Variants in LEMD1 observed in about 807,000 individuals in gnomAD.
LEMD1 encodes the protein LEM domain-containing protein 1.
Under a neutral mutation model 17.4 loss-of-function variants are expected in LEMD1, and 18 were observed. That is an observed-to-expected ratio of 1.04 (90% confidence interval 0.72 to 1.54). LEMD1 has a LOEUF of 1.54. Ranked by LOEUF, LEMD1 falls within the 40% of genes most tolerant of loss-of-function variation. The pLI is 0.00. For synonymous variants in LEMD1, 88 were observed against 77.8 expected, an observed-to-expected ratio of 1.13 and a Z score of -0.69; for missense variants, 195 against 210.4, an observed-to-expected ratio of 0.93 and a Z score of 0.45.
At chr1:205,442,764 T>G (rs1051088637) in intron 1 of LEMD1, among the ~76,000 whole-genome samples, 1 of 152,142 alleles carries the variant, frequency 6.6e-6, no homozygotes, top group Non-Finnish European at 1.5e-5. Flanking sequence ...CCAGGATATA[T>G]ATAGAGCCAA....
intron 1 of LEMD1, among the ~76,000 whole-genome samples, chr1:205,427,298 T>C (rs535375693): frequency 6.6e-6 from 1 of 152,086 alleles, no homozygotes; most frequent in East Asian, 1.9e-4. Flanking sequence ...GGCCTCAGTA[T>C]GACAACATGG....
chr1:205,394,870 C>T (rs980354421), intron 4 of LEMD1, among the ~76,000 whole-genome samples: 4 of 151,574 alleles, frequency 2.6e-5, no homozygotes, highest in African/African-American at 9.7e-5. Context: ...ACCTGTAATC[C>T]CAACTACTCT....
At chr1:205,437,869 C>T (rs948605363) in intron 1 of LEMD1, 2 of 152,150 alleles carry the variant, frequency 1.3e-5, no homozygotes, top group African/African-American at 4.8e-5. Flanking sequence ...GCTCAGTGCT[C>T]CTTGCATCCC....
chr1:205,414,325 G>A (rs759278871), intron 4 of LEMD1, among the ~76,000 whole-genome samples: 18 of 151,702 alleles, frequency 1.2e-4, no homozygotes, highest in Non-Finnish European at 1.8e-4. Flanking sequence ...GCTGATGCCT[G>A]TAATCCCAGT....
chr1:205,420,365 A>T, intron 2 of LEMD1, 90 bp downstream of exon 2: 1 of 974,924 alleles, frequency 1.0e-6, no homozygotes, highest in Non-Finnish European at 1.6e-6. Flanking sequence ...TTTCTATTTT[A>T]ATGGCTTTAC....
chr1:205,397,811 T>G (rs973655587), intron 4 of LEMD1, among the ~76,000 whole-genome samples: 4 of 152,190 alleles, frequency 2.6e-5, no homozygotes, highest in African/African-American at 9.7e-5. Context: ...TGGTGTATTC[T>G]TAGATGAAAA....
chr1:205,396,996 G>T (rs1487697239), intron 4 of LEMD1, among the ~76,000 whole-genome samples: 1 of 152,012 alleles, frequency 6.6e-6, no homozygotes, highest in Non-Finnish European at 1.5e-5. Flanking sequence ...CCCCACTTGG[G>T]CAAATTCCAG....
intron 1 of LEMD1, among the ~76,000 whole-genome samples, chr1:205,428,094 C>T (rs1281156338): frequency 3.3e-5 from 5 of 152,212 alleles, no homozygotes; most frequent in African/African-American, 4.8e-5. Context: ...AGGCTTTATC[C>T]TAAGACAGTG....
chr1:205,400,564 T>C (rs1664794172), intron 4 of LEMD1, among the ~76,000 whole-genome samples: 1 of 152,212 alleles, frequency 6.6e-6, no homozygotes, highest in Non-Finnish European at 1.5e-5. Context: ...CCTTGTGATG[T>C]GATACAATAA....
chr1:205,390,333 C>T lies in LEMD1; in HGVS notation c.271-5969G>A, dbSNP rs1420991046. 4.0e-5 allele frequency among the ~76,000 whole-genome samples: 6 copies of T among 149,836 alleles called. No homozygotes were observed. The South Asian group carries it at 8.4e-4, about 21-fold the overall frequency. ...TTACGCCACTGCACTCCAGCCTGGG[C>T]GACAGAGCTACACTCTCTCTCTAAA... On this transcript the variant is annotated intron_variant, in intron 4 of 5. Coordinates refer to ENST00000367153, the MANE Select transcript of LEMD1 (RefSeq NM_001199050.2).
At chr1:205,384,423 C>A in intron 4 of LEMD1, 59 bp from the exon 5 acceptor site, 1 of 1,129,294 alleles carries the variant, frequency 8.9e-7, no homozygotes, top group Non-Finnish European at 1.2e-6. Flanking sequence ...ATACAAATAA[C>A]CTTGGTTTTT....
At chr1:205,446,032 G>T (rs922055683) in intron 1 of LEMD1, among the ~76,000 whole-genome samples, 11 of 152,192 alleles carry the variant, frequency 7.2e-5, no homozygotes, top group Non-Finnish European at 1.6e-4. Context: ...TATATCTGAG[G>T]ACTGTAAAAA....
chr1:205,408,349 A>C (rs1665221913), intron 4 of LEMD1, among the ~76,000 whole-genome samples: 1 of 151,188 alleles, frequency 6.6e-6, no homozygotes, highest in Non-Finnish European at 1.5e-5. Context: ...ACACACACAC[A>C]CTCCTCAAAT....
chr1:205,447,573 AAG>A (rs1491367485), intron 1 of LEMD1, among the ~76,000 whole-genome samples: 1 of 152,008 alleles, frequency 6.6e-6, no homozygotes, highest in African/African-American at 2.4e-5. Context: ...GCCGATTTAA[AAG>A]GGGGCAGGGG....
chr1:205,434,185 T>C (rs1666168085), intron 1 of LEMD1, among the ~76,000 whole-genome samples: 1 of 48,370 alleles, frequency 2.1e-5, no homozygotes, highest in Non-Finnish European at 7.1e-5. Context: ...GATTCTTATC[T>C]TTCTTTTTTT....
intron 1 of LEMD1, among the ~76,000 whole-genome samples, chr1:205,445,652 C>G (rs1187690474): frequency 6.6e-6 from 1 of 152,190 alleles, no homozygotes; most frequent in African/African-American, 2.4e-5. Flanking sequence ...TTCTTGGGAG[C>G]TGGAGAGGTC....
At chr1:205,423,745 CCT>C (rs762886175), upstream of LEMD1, among the ~76,000 whole-genome samples, 3 of 152,196 alleles carry the variant, frequency 2.0e-5, no homozygotes, top group Non-Finnish European at 4.4e-5. Flanking sequence ...ACACCATCTC[CCT>C]CAGTTTTATC....
At chr1:205,414,395 C>T (rs188630545) in intron 4 of LEMD1, among the ~76,000 whole-genome samples, 274 of 149,826 alleles carry the variant, frequency 1.8e-3, no homozygotes, top group African/African-American at 6.3e-3. Context: ...CCAGCCTGGG[C>T]GACAGCGTGA....
chr1:205,413,586 AC>A (rs1665550855), intron 4 of LEMD1, among the ~76,000 whole-genome samples: 4 of 122,864 alleles, frequency 3.3e-5, no homozygotes, highest in Admixed American at 8.0e-5. Context: ...ACCATGCCCA[AC>A]TTTTTTTTTT....
Sources: allele counts gnomAD v4.1 joint callset (sites outside exome capture counted in the v4.1 genomes callset), GRCh38; gene constraint gnomAD v4.1.1; transcripts MANE v1.5; gene names NCBI Gene and HGNC (gene_info 2026-07-23, HGNC 2026-07-21).